The following CD74 variants were observed in gnomAD, a reference collection of about 807,000 sequenced individuals.
The protein encoded by CD74 is CD74 molecule.
CD74 carries 20 observed loss-of-function variants against 37.1 expected under a neutral mutation model. The observed-to-expected ratio is 0.54, with a 90% CI of 0.38 to 0.78. The LOEUF is 0.78. Ranked by LOEUF, CD74 falls within the 30% of genes least tolerant of loss-of-function variation. CD74 has a pLI of 0.00. For synonymous variants in CD74, 150 were observed against 152.0 expected (o/e 0.99, Z 0.10); for missense variants, 338 against 389.5 (o/e 0.87, Z 1.11).
rs1181048787 is a variant in CD74, at chr5:150,407,315, G to A, written c.135C>T (p.Ser45=). The A allele has an allele frequency of 4.4e-6, 7 of 1,606,378 alleles. No individual in the cohort carries two copies. Among genetic ancestry groups the A allele is most frequent in the Non-Finnish European group, 5.1e-6 (6 of 1,176,830 alleles). The change falls in exon 2 of 9, where the codon AGC becomes AGT. Residue 45 remains serine, a synonymous_variant. Coordinates refer to ENST00000009530, the MANE Select transcript of CD74 (RefSeq NM_001025159.3). This position sits in a 1 kb window ranked among gnomAD's most constrained non-coding sequence, Gnocchi z 4.4. ...RRPGAPESKC[S]RGALYTGFSI... is the part of the protein sequence containing the mutation. ...AAAAGCCTGTGTACAGGGCTCCGCGGCTGCACTTGCTGTGGGAGGTGGGGA... is the reference window on the plus strand; with the variant it reads ...AAAAGCCTGTGTACAGGGCTCCGCGACTGCACTTGCTGTGGGAGGTGGGGA...
rs1769619424 is a variant in CD74, at chr5:150,401,721, G to A, written c.*519C>T. ...CTTGGCTGAGCAGAGGGAACTAGGG[G>A]TCGGCAGAAAGGATTATGGGTGGAA... On this transcript the variant is annotated 3_prime_UTR_variant, in exon 9 of 9. Coordinates refer to ENST00000009530, the MANE Select transcript of CD74 (RefSeq NM_001025159.3). 1 of 580,836 alleles carries A rather than the reference G, an allele frequency of 1.7e-6. No individual in the cohort carries two copies. The highest frequency in any genetic ancestry group is 2.8e-5 in the East Asian group (1 of 35,264). 36.0% of individuals were successfully genotyped at this position (580,836 alleles called of 1,614,324 possible).
intron 1 of CD74, among the ~76,000 whole-genome samples, chr5:150,412,360 C>G (rs1770394284): frequency 1.3e-5 from 2 of 152,370 alleles, no homozygotes; most frequent in South Asian, 2.1e-4. Flanking sequence ...AGAACCCATG[C>G]TCTCTTCTGC....
chr5:150,402,687 T>A lies in CD74; in HGVS notation c.818-62A>T. 1 of 1,412,078 alleles carries A rather than the reference T, an allele frequency of 7.1e-7. No individual in the cohort carries two copies. Among genetic ancestry groups the A allele is most frequent in the Non-Finnish European group, 9.8e-7 (1 of 1,018,106 alleles). The allele number at this position is 1,412,078 out of a possible 1,614,324, so 87.5% of individuals were successfully genotyped here. Reference sequence around the variant, plus strand: ...TGCAGCCTACCTGACCCAAGATGCCTGAGGGCAGTGCTTCCCACCTAGCCA... The same window carrying A: ...TGCAGCCTACCTGACCCAAGATGCCAGAGGGCAGTGCTTCCCACCTAGCCA... On this transcript the variant is annotated intron_variant, in intron 7 of 8. Transcript: ENST00000009530. The surrounding 1 kb of genome is among the most constrained non-coding windows in gnomAD (Gnocchi z 4.2).
Position 150,402,311 on chromosome 5 carries a change from T to G in CD74, c.881-61A>C. On this transcript the variant is annotated intron_variant, in intron 8 of 8. Coordinates refer to ENST00000009530, the MANE Select transcript of CD74 (RefSeq NM_001025159.3). The surrounding 1 kb of genome is among the most constrained non-coding windows in gnomAD (Gnocchi z 4.2). ...CCCATTTGTTGTCCCTGCCCCTTTC[T>G]AACATCCTGGACCTGCAGAGCAGTT... The G allele has an allele frequency of 7.8e-7, 1 of 1,285,248 alleles. No homozygotes were observed. The highest frequency in any genetic ancestry group is 1.1e-6 in the Non-Finnish European group (1 of 896,784). The allele number at this position is 1,285,248 out of a possible 1,614,324, so 79.6% of individuals were successfully genotyped here. A position where few individuals can be genotyped will look rare whatever the true frequency, so the allele number is the denominator to read the frequency against.
chr5:150,411,919 C>T (rs2151186519), intron 1 of CD74, among the ~76,000 whole-genome samples: 1 of 152,294 alleles, frequency 6.6e-6, no homozygotes, highest in Non-Finnish European at 1.5e-5. Context: ...ACTCTTTCTC[C>T]ACTGGGATCT....
At chr5:150,406,214 C>G (rs1769951871) in intron 4 of CD74, 45 bp downstream of exon 4, 1 of 1,513,392 alleles carries the variant, frequency 6.6e-7, no homozygotes, top group Non-Finnish European at 9.2e-7. Flanking sequence ...CGGCCAGGGT[C>G]CTGGGTGGGC....
chr5:150,406,370 G>C (rs760691453), intron 3 of CD74, 49 bp from the exon 4 acceptor site: 4 of 1,475,184 alleles, frequency 2.7e-6, no homozygotes, highest in Non-Finnish European at 2.8e-6. Flanking sequence ...CCTGGAGCAG[G>C]GGGTATGGAG....
rs1769621068 is a variant in CD74 at position 150,401,731 on chromosome 5, A to G, written c.*509T>C. 8.6e-6 allele frequency: 5 copies of G among 584,300 alleles called. No homozygotes were observed. Among genetic ancestry groups the G allele is most frequent in the Non-Finnish European group, 1.2e-5 (4 of 327,956 alleles). The allele number at this position is 584,300 out of a possible 1,614,324, so 36.2% of individuals were successfully genotyped here. A position where few individuals can be genotyped will look rare whatever the true frequency, so the allele number is the denominator to read the frequency against. On this transcript the variant is annotated 3_prime_UTR_variant, in exon 9 of 9. Transcript: ENST00000009530. ...CAGAGGGAACTAGGGGTCGGCAGAA[A>G]GGATTATGGGTGGAAAACATTGGCT...
chr5:150,404,815 C>T, intron 5 of CD74, 48 bp from the exon 6 acceptor site: 1 of 1,263,378 alleles, frequency 7.9e-7, no homozygotes, highest in Non-Finnish European at 1.1e-6. Flanking sequence ...ACCACCAAGC[C>T]CCTACACTGC....
Position 150,403,170 on chromosome 5 carries a change from G to T in CD74, c.768C>A (p.Asn256Lys), listed in dbSNP as rs377610250. The T allele has an allele frequency of 6.2e-7, 1 of 1,614,018 alleles. No homozygotes were observed. The highest frequency in any genetic ancestry group is 1.1e-5 in the South Asian group (1 of 91,088). Residue 256 changes from asparagine to lysine, a missense_variant, in exon 7 of 9, where the codon AAC becomes AAA. Asn to Lys is a moderately conservative substitution (Grantham distance 94, BLOSUM62 0). Transcript: ENST00000009530. The surrounding 1 kb of genome is among the most constrained non-coding windows in gnomAD (Gnocchi z 4.5). Reference sequence around the variant, plus strand: ...TTCTGGTGTTGGGGACCTCCGTGCCGTTGGGGAAGACACACCAGCAGTAGC... The same window carrying T: ...TTCTGGTGTTGGGGACCTCCGTGCCTTTGGGGAAGACACACCAGCAGTAGC... Reference protein sequence around the residue: ...SIGYCWCVFPNGTEVPNTRSR... With the variant: ...SIGYCWCVFPKGTEVPNTRSR...
At chr5:150,404,540 GAGAA>G (rs1361221814) in intron 6 of CD74, 136 bp downstream of exon 6, 2 of 607,834 alleles carry the variant, frequency 3.3e-6, no homozygotes, top group African/African-American at 1.8e-5. Context: ...AGAGAGAAGT[GAGAA>G]AGAAGTGAGA....
At position 150,405,115 on chromosome 5, in the gene CD74, A is replaced by G. The variant is rs1435292746; in HGVS notation, c.507T>C (p.Leu169=). Residue 169 remains leucine (L), a synonymous_variant, in exon 5 of 9, where the codon CTT becomes CTC. Coordinates refer to ENST00000009530, the MANE Select transcript of CD74 (RefSeq NM_001025159.3). The part of the protein sequence containing the change: ...KGSFPENLRH[L]KNTMETIDWK... Reference sequence around the variant, plus strand: ...AGTCTATGGTCTCCATGGTGTTCTTAAGGTGTCTCAGGTTCTCCGGGAAGC... The same window carrying G: ...AGTCTATGGTCTCCATGGTGTTCTTGAGGTGTCTCAGGTTCTCCGGGAAGC... 6.8e-6 allele frequency: 11 copies of G among 1,611,688 alleles called. No homozygotes were observed. In the East Asian group the frequency reaches 1.8e-4, roughly 26 times the overall value.
Position 150,407,392 on chromosome 5 carries a change from G to A in CD74, c.126-68C>T, listed in dbSNP as rs1581255062. The A allele has an allele frequency of 7.3e-7, 1 of 1,373,866 alleles. No individual in the cohort carries two copies. The highest frequency in any genetic ancestry group is 1.3e-5 in the South Asian group (1 of 76,882). The allele number at this position is 1,373,866 out of a possible 1,614,324, so 85.1% of individuals were successfully genotyped here. A position where few individuals can be genotyped will look rare whatever the true frequency, so the allele number is the denominator to read the frequency against. The stretch of plus-strand genomic sequence containing the variant: ...GGTGGCTGCCCCAAGGGCTGGCTAG[G>A]AATGGGGAAATGTATACCCCCATCT... On this transcript the variant is annotated intron_variant, in intron 1 of 8. Coordinates refer to ENST00000009530, the MANE Select transcript of CD74 (RefSeq NM_001025159.3). The surrounding 1 kb of genome is among the most constrained non-coding windows in gnomAD (Gnocchi z 4.4).
intron 3 of CD74, 89 bp downstream of exon 3, chr5:150,406,792 G>T: frequency 1.2e-6 from 1 of 852,274 alleles, no homozygotes; most frequent in Non-Finnish European, 1.8e-6. Flanking sequence ...CTCCCCAGGT[G>T]GGCTCTCTTC....
At position 150,404,630 on chromosome 5, in the gene CD74, GC is replaced by G. The variant is rs1194604858; in HGVS notation, c.625+49del. The G allele has an allele frequency of 5.9e-6, 7 of 1,195,398 alleles. No individual in the cohort carries two copies. In the East Asian group the frequency reaches 7.7e-5, roughly 13 times the overall value. 74.0% of individuals were successfully genotyped at this position (1,195,398 alleles called of 1,614,324 possible). A position where few individuals can be genotyped will look rare whatever the true frequency, so the allele number is the denominator to read the frequency against. On this transcript the variant is annotated intron_variant, in intron 6 of 8. Coordinates refer to ENST00000009530, the MANE Select transcript of CD74 (RefSeq NM_001025159.3). ...CCCCGGCCTCAGCAGCTTCAGGAGA[GC>G]CCCGAGGGTCCAGAAGCCCTGGCAC...
chr5:150,406,249 C>T lies in CD74; in HGVS notation c.441+10G>A. 4 of 1,612,598 alleles carry T rather than the reference C, an allele frequency of 2.5e-6. No individual in the cohort carries two copies. Among genetic ancestry groups the T allele is most frequent in the Non-Finnish European group, 3.4e-6 (4 of 1,178,980 alleles). On this transcript the variant is annotated intron_variant, in intron 4 of 8. Coordinates refer to ENST00000009530, the MANE Select transcript of CD74 (RefSeq NM_001025159.3). The stretch of plus-strand genomic sequence containing the variant: ...CAGGCAGGACCACCCAGCTAGCTCC[C>T]TGCACTCACCTGGAGCAGGTGCATC...
In CD74 at chr5:150,401,703, G is replaced by A; in HGVS notation, c.*537C>T. On this transcript the variant is annotated 3_prime_UTR_variant, in exon 9 of 9. Transcript: ENST00000009530. ...CTGAAAGCTGATAACAAGCTTGGCT[G>A]AGCAGAGGGAACTAGGGGTCGGCAG... 1 of 564,122 alleles carries A rather than the reference G, an allele frequency of 1.8e-6. No individual in the cohort carries two copies. Among genetic ancestry groups the A allele is most frequent in the Non-Finnish European group, 3.2e-6 (1 of 316,194 alleles). The allele number at this position is 564,122 out of a possible 1,614,324, so 34.9% of individuals were successfully genotyped here.
intron 4 of CD74, 156 bp from the exon 5 acceptor site, chr5:150,405,336 G>C (rs369891290): frequency 5.1e-6 from 7 of 1,369,036 alleles, no homozygotes; most frequent in Non-Finnish European, 6.6e-6. Flanking sequence ...TGGGAGGGGA[G>C]GGGAGGGTAC....
Position 150,404,487 on chromosome 5 carries a change from AGGGGAGGGGGAC to A in CD74, c.625+181_625+192del, listed in dbSNP as rs1769828538. The A allele has an allele frequency of 7.4e-6, 4 of 542,054 alleles. No individual in the cohort carries two copies. The African/African-American group carries it at 7.8e-5, about 11-fold the overall frequency. 33.6% of individuals were successfully genotyped at this position (542,054 alleles called of 1,614,324 possible). ...CCCTTAGACAAGATGGGGGTGGGTC[AGGGGAGGGGGAC>A]AGCCAAACCAAGAAGGAACAGACAG... On this transcript the variant is annotated intron_variant, in intron 6 of 8. Coordinates refer to ENST00000009530, the MANE Select transcript of CD74 (RefSeq NM_001025159.3).
Sources: allele counts gnomAD v4.1 joint callset (sites outside exome capture counted in the v4.1 genomes callset), GRCh38; gene constraint gnomAD v4.1.1; non-coding constraint Gnocchi (gnomAD v3.1); transcripts MANE v1.5; gene names NCBI Gene and HGNC (gene_info 2026-07-23, HGNC 2026-07-21).